The following ROBO2 variants were observed in gnomAD, a reference collection of about 807,000 sequenced individuals.
The protein encoded by ROBO2 is roundabout guidance receptor 2.
Under a neutral mutation model 160.8 loss-of-function variants are expected in ROBO2, and 53 were observed. That is an observed-to-expected ratio of 0.33 (90% CI 0.26 to 0.41). The LOEUF is 0.41. Among genes scored for constraint, ROBO2 ranks in the 10% least tolerant of loss-of-function variants. The pLI is 1.00. For synonymous variants in ROBO2, 664 were observed against 611.7 expected, an observed-to-expected ratio of 1.09 and a Z score of -1.26; for missense variants, 1,577 against 1,722.4, an observed-to-expected ratio of 0.92 and a Z score of 1.49.
intron 2 of ROBO2, among the ~76,000 whole-genome samples, chr3:76,398,262 G>C (rs1325005020): frequency 1.3e-5 from 2 of 151,130 alleles, no homozygotes; most frequent in Non-Finnish European, 2.9e-5. Context: ...ACTCATAGGT[G>C]GGAATTGAAC....
chr3:76,542,091 T>C (rs2082849626), intron 2 of ROBO2, among the ~76,000 whole-genome samples: 2 of 152,004 alleles, frequency 1.3e-5, no homozygotes, highest in African/African-American at 4.8e-5. Context: ...TCAGTGATCA[T>C]TTTTTTTCTC....
intron 2 of ROBO2, among the ~76,000 whole-genome samples, chr3:76,968,280 A>G (rs2059407044): frequency 6.6e-6 from 1 of 152,136 alleles, no homozygotes; most frequent in Non-Finnish European, 1.5e-5. Context: ...TATGTTTATG[A>G]AATTTCTAAT....
At chr3:76,748,055 C>A (rs1022418496) in intron 2 of ROBO2, among the ~76,000 whole-genome samples, 2 of 151,904 alleles carry the variant, frequency 1.3e-5, no homozygotes, top group Non-Finnish European at 2.9e-5. Flanking sequence ...CTCATCTACA[C>A]AGGTTGCTAA....
At chr3:77,231,208 C>T (rs1234633816) in intron 2 of ROBO2, among the ~76,000 whole-genome samples, 1 of 151,542 alleles carries the variant, frequency 6.6e-6, no homozygotes, top group African/African-American at 2.4e-5. Context: ...ACAAAAAATA[C>T]AAAAATTAAC....
chr3:77,144,533 G>T (rs368927806), intron 2 of ROBO2, among the ~76,000 whole-genome samples: 2 of 152,156 alleles, frequency 1.3e-5, no homozygotes, highest in East Asian at 1.9e-4. Context: ...TATATAAAAC[G>T]CACATGCATA....
At position 76,264,343 on chromosome 3, in the gene ROBO2, T is replaced by C. The variant is rs187215437; in HGVS notation, c.109+326741T>C. 9.5e-3 allele frequency among the ~76,000 whole-genome samples: 1,434 copies of C among 151,556 alleles called. 21 individuals carry two copies. Among genetic ancestry groups the C allele is most frequent in the Admixed American group, 0.037 (564 of 15,194 alleles). ...GGTATTGTCTCTAGTTTTTTTTTTT[T>C]CCCCCTTGGTGGCCTTCTAGACTTC... On this transcript the variant is annotated intron_variant, in intron 2 of 26. Coordinates refer to the ROBO2 transcript ENST00000487694.
At chr3:77,470,020 A>G (rs1348846891) in intron 2 of ROBO2, among the ~76,000 whole-genome samples, 1 of 152,196 alleles carries the variant, frequency 6.6e-6, no homozygotes, top group African/African-American at 2.4e-5. Flanking sequence ...CACAGGCAAA[A>G]GTAAGAGAAC....
chr3:76,157,301 G>C (rs2072445009), intron 2 of ROBO2, among the ~76,000 whole-genome samples: 1 of 152,068 alleles, frequency 6.6e-6, no homozygotes, highest in South Asian at 2.1e-4. Flanking sequence ...TCTATAGAGA[G>C]CTTTTTTTTT....
chr3:76,127,367 A>G (rs772180881), intron 2 of ROBO2, among the ~76,000 whole-genome samples: 1 of 152,112 alleles, frequency 6.6e-6, no homozygotes, highest in Admixed American at 6.6e-5. Flanking sequence ...GTTTCTTAAT[A>G]TAAGTCTAAA....
intron 2 of ROBO2, among the ~76,000 whole-genome samples, chr3:77,428,797 C>T (rs2078481278): frequency 6.6e-6 from 1 of 152,078 alleles, no homozygotes; most frequent in South Asian, 2.1e-4. Flanking sequence ...TCATGTTGAT[C>T]TATTGCATGC....
chr3:77,090,730 T>C (rs1402546004), intron 1 of ROBO2, among the ~76,000 whole-genome samples: 2 of 152,130 alleles, frequency 1.3e-5, no homozygotes, highest in Non-Finnish European at 2.9e-5. Context: ...ATCAATAACC[T>C]GTGTTCTTTA....
intron 2 of ROBO2, among the ~76,000 whole-genome samples, chr3:76,875,917 G>A (rs1339904447): frequency 6.6e-6 from 1 of 152,050 alleles, no homozygotes; most frequent in African/African-American, 2.4e-5. Context: ...GCCTCCTAAA[G>A]TGCCAGAATT....
chr3:77,592,997 C>G (rs949407052), intron 17 of ROBO2, among the ~76,000 whole-genome samples: 2 of 152,102 alleles, frequency 1.3e-5, no homozygotes, highest in African/African-American at 2.4e-5. Flanking sequence ...CTCCTTTTCT[C>G]TAATATTATT....
intron 1 of ROBO2, among the ~76,000 whole-genome samples, chr3:77,085,049 A>T (rs1163839493): frequency 6.6e-6 from 1 of 152,092 alleles, no homozygotes; most frequent in Non-Finnish European, 1.5e-5. Flanking sequence ...AGATATCATA[A>T]ATAGACACAA....
intron 17 of ROBO2, among the ~76,000 whole-genome samples, chr3:77,589,984 G>T (rs1377566591): frequency 6.6e-6 from 1 of 152,076 alleles, no homozygotes; most frequent in African/African-American, 2.4e-5. Flanking sequence ...AGGCGTCATT[G>T]ATTATTAAGC....
intron 2 of ROBO2, among the ~76,000 whole-genome samples, chr3:75,964,602 A>G (rs11915114): frequency 0.087 from 13,128 of 151,596 alleles, 1,493 homozygotes; most frequent in African/African-American, 0.26. Flanking sequence ...ATATTTGTAT[A>G]TGAGATGCAG....
chr3:77,031,929 C>A (rs1364662581), intron 2 of ROBO2, among the ~76,000 whole-genome samples: 1 of 152,052 alleles, frequency 6.6e-6, no homozygotes, highest in Non-Finnish European at 1.5e-5. Context: ...AAGGCACTAG[C>A]AGATTCTGTG....
chr3:77,374,406 TA>T (rs779478635), intron 2 of ROBO2, among the ~76,000 whole-genome samples: 3 of 152,098 alleles, frequency 2.0e-5, no homozygotes, highest in African/African-American at 4.8e-5. Flanking sequence ...AGGAAATAGA[TA>T]ACTGTTGACA....
In ROBO2 at chr3:76,719,363, G is replaced by T. The variant is rs545627972; in HGVS notation, c.110-378651G>T. Among the ~76,000 whole-genome samples, 3 of 152,000 alleles carry T rather than the reference G, an allele frequency of 2.0e-5. No homozygotes were observed. The East Asian group carries it at 5.8e-4, about 29-fold the overall frequency. ...AATTTTAAAGTGTTAGTTAAATAGG[G>T]TGTCACTCTCATCCAGGCTGGTGTG... On this transcript the variant is annotated intron_variant, in intron 2 of 26. Transcript: ENST00000487694.
Sources: allele counts gnomAD v4.1 joint callset (sites outside exome capture counted in the v4.1 genomes callset), GRCh38; gene constraint gnomAD v4.1.1; transcripts MANE v1.5; gene names NCBI Gene and HGNC (gene_info 2026-07-23, HGNC 2026-07-21).